Variants in KSR1 observed in about 807,000 individuals in gnomAD.
KSR1 encodes kinase suppressor of ras 1.
In KSR1, 35 loss-of-function variants were observed where a neutral mutation model predicts 92.9. The observed-to-expected ratio is 0.38, with a 90% CI of 0.29 to 0.50. The LOEUF (loss-of-function observed/expected upper bound fraction) is 0.50, where lower values mean the gene tolerates loss of function less well. Ranked by LOEUF, KSR1 falls within the 20% of genes least tolerant of loss-of-function variation. The probability of loss-of-function intolerance (pLI) is 0.94; values close to 1 mark genes in which losing one functional copy is unlikely to be tolerated. For synonymous variants in KSR1, 467 were observed against 472.6 expected (o/e 0.99, Z 0.15); for missense variants, 972 against 1,158.5 (o/e 0.84, Z 2.34).
At chr17:27,480,293 T>C (rs2068473649) in intron 1 of KSR1, among the ~76,000 whole-genome samples, 1 of 152,210 alleles carries the variant, frequency 6.6e-6, no homozygotes, top group African/African-American at 2.4e-5. Context: ...TAACACATAC[T>C]GTGGTATTAC....
chr17:27,473,306 T>C (rs1366315673), intron 1 of KSR1, among the ~76,000 whole-genome samples: 2 of 152,230 alleles, frequency 1.3e-5, no homozygotes, highest in African/African-American at 4.8e-5. Context: ...TTGGTGATGC[T>C]TAGCATTTTA....
At chr17:27,537,845 A>G (rs1299721201) in intron 1 of KSR1, among the ~76,000 whole-genome samples, 6 of 152,254 alleles carry the variant, frequency 3.9e-5, no homozygotes, top group South Asian at 2.1e-4. Context: ...CCTGGAATAC[A>G]AAAAATAACT....
At chr17:27,538,848 C>T (rs1005570379) in intron 1 of KSR1, among the ~76,000 whole-genome samples, 9 of 152,188 alleles carry the variant, frequency 5.9e-5, no homozygotes, top group African/African-American at 1.9e-4. Flanking sequence ...CTGTCATTGC[C>T]CCTTGCCCCT....
At chr17:27,609,895 C>T in intron 16 of KSR1, 172 bp from the exon 17 acceptor site, 1 of 703,528 alleles carries the variant, frequency 1.4e-6, no homozygotes. Flanking sequence ...TTGTAGAATT[C>T]CTCAAAAGCA....
chr17:27,491,613 T>C lies in KSR1; in HGVS notation c.231+34739T>C, dbSNP rs889945885. On this transcript the variant is annotated intron_variant, in intron 1 of 20. Coordinates refer to ENST00000644974, the MANE Select transcript of KSR1 (RefSeq NM_001394583.1). ...TGTTTTTTACTTTATAGTTTTCCCC[T>C]GTCCACAAAGGGTGGTACTTTGTGT... Among the ~76,000 whole-genome samples, 27 of 152,324 alleles carry C rather than the reference T, an allele frequency of 1.8e-4. No individual in the cohort carries two copies. In the East Asian group the frequency reaches 2.1e-3, roughly 12 times the overall value.
intron 11 of KSR1, chr17:27,601,824 A>G: frequency 8.8e-7 from 1 of 1,141,286 alleles, no homozygotes. Context: ...TTAGAGAAGT[A>G]GAAACCCATT....
intron 1 of KSR1, among the ~76,000 whole-genome samples, chr17:27,475,637 C>T (rs149343926): frequency 1.3e-5 from 2 of 152,322 alleles, no homozygotes; most frequent in East Asian, 1.9e-4. Context: ...GATGCCCTTC[C>T]GTCCACCCCA....
intron 2 of KSR1, among the ~76,000 whole-genome samples, chr17:27,551,008 T>G (rs1053184494): frequency 1.3e-5 from 2 of 152,206 alleles, no homozygotes; most frequent in African/African-American, 4.8e-5. Context: ...GCAGACACTG[T>G]GTTAAATGTT....
intron 5 of KSR1, chr17:27,586,045 A>G: frequency 3.6e-6 from 1 of 274,210 alleles, no homozygotes; most frequent in Non-Finnish European, 7.0e-6. Context: ...TGATTTCGCT[A>G]GACTTTAGCC....
chr17:27,560,141 A>G (rs1424787559), intron 2 of KSR1, among the ~76,000 whole-genome samples: 3 of 152,206 alleles, frequency 2.0e-5, no homozygotes, highest in Non-Finnish European at 2.9e-5. Flanking sequence ...CCCCGCTCCC[A>G]GTCATTTGGA....
chr17:27,483,715 G>T (rs1320594666), intron 1 of KSR1: 1 of 152,202 alleles, frequency 6.6e-6, no homozygotes, highest in African/African-American at 2.4e-5. Flanking sequence ...ATTTGAAAAG[G>T]CTTGATGTGC....
rs376117118 is a variant in KSR1, at chr17:27,597,345, G to A, written c.1377G>A (p.Pro459=). The A allele has an allele frequency of 5.4e-5, 87 of 1,613,010 alleles. No individual in the cohort carries two copies. In the African/African-American group the frequency reaches 7.2e-4, roughly 13 times the overall value. ...SSTTSSTPSS[P]APFPTSSNPS... ...CCACCTCCTCCACACCCTCCTCACC[G>A]GCGCCCTTCCCGACATCATCCAACC... The change falls in exon 10 of 21, where the codon CCG becomes CCA. Residue 459 remains proline, a synonymous_variant. Coordinates refer to ENST00000644974, the MANE Select transcript of KSR1 (RefSeq NM_001394583.1).
chr17:27,552,153 C>G (rs2071418556), intron 2 of KSR1, among the ~76,000 whole-genome samples: 1 of 152,160 alleles, frequency 6.6e-6, no homozygotes, highest in South Asian at 2.1e-4. Flanking sequence ...TCATCCCCTG[C>G]CCATCATTCT....
intron 1 of KSR1, among the ~76,000 whole-genome samples, chr17:27,505,007 A>T (rs114574024): frequency 6.6e-6 from 1 of 152,166 alleles, no homozygotes. Context: ...GCTCTGTCCC[A>T]TAAAGCCAGG....
rs765160271 is a variant in KSR1, at chr17:27,588,549, G to T, written c.1046+14G>T. ...GGTGACGCACAGGTAGGCACAGCGG[G>T]CCTGGAGGGGGAGCAGGGCACAGCC... On this transcript the variant is annotated intron_variant, in intron 6 of 20. Coordinates refer to ENST00000644974, the MANE Select transcript of KSR1 (RefSeq NM_001394583.1). The T allele has an allele frequency of 2.5e-6, 4 of 1,584,084 alleles. No individual in the cohort carries two copies. The Admixed American group carries it at 5.3e-5, about 21-fold the overall frequency.
chr17:27,592,682 A>G, intron 9 of KSR1, 56 bp downstream of exon 9: 1 of 1,435,562 alleles, frequency 7.0e-7, no homozygotes, highest in Non-Finnish European at 9.6e-7. Context: ...TCCTTCCTAT[A>G]AAGCACCCCT....
rs116700715 is a variant in KSR1, at chr17:27,560,463, G to A, written c.372+9755G>A. ...GAAGATGCAGGCGGATCTGGTAAGGGGATTTTTGTTGTGATCCTGACTGGA... is the reference window on the plus strand; with the variant it reads ...GAAGATGCAGGCGGATCTGGTAAGGAGATTTTTGTTGTGATCCTGACTGGA... On this transcript the variant is annotated intron_variant, in intron 2 of 20. Transcript: ENST00000644974. The A allele has an allele frequency of 4.0e-3, 2,063 of 518,984 alleles. 38 individuals carry two copies. Among genetic ancestry groups the A allele is most frequent in the African/African-American group, 0.035 (1,810 of 52,046 alleles). 32.1% of individuals were successfully genotyped at this position (518,984 alleles called of 1,614,324 possible).
intron 3 of KSR1, chr17:27,578,773 A>G (rs2072623380): frequency 6.6e-6 from 1 of 152,280 alleles, no homozygotes; most frequent in African/African-American, 2.4e-5. Flanking sequence ...TGTGTCATGC[A>G]GGCTGCTGTC....
At chr17:27,570,573 A>G (rs901024660) in intron 2 of KSR1, among the ~76,000 whole-genome samples, 8 of 152,180 alleles carry the variant, frequency 5.3e-5, no homozygotes, top group African/African-American at 1.9e-4. Flanking sequence ...GAAGAAGCCA[A>G]TCCTGAAGGT....
Sources: allele counts gnomAD v4.1 joint callset (sites outside exome capture counted in the v4.1 genomes callset), GRCh38; gene constraint gnomAD v4.1.1; transcripts MANE v1.5; gene names NCBI Gene and HGNC (gene_info 2026-07-23, HGNC 2026-07-21).